The following SIN3A variants were observed in gnomAD, a reference collection of about 807,000 sequenced individuals.
SIN3A encodes paired amphipathic helix protein Sin3a.
A neutral mutation model predicts 146.1 loss-of-function variants in SIN3A; 14 were observed. That is an observed-to-expected ratio of 0.10 (90% confidence interval 0.06 to 0.15). SIN3A has a LOEUF of 0.15. Ranked by LOEUF, SIN3A falls within the 10% of genes least tolerant of loss-of-function variation. SIN3A has a pLI of 1.00. For synonymous variants in SIN3A, 572 were observed against 572.0 expected (o/e 1.00, Z 0.00); for missense variants, 1,028 against 1,576.0 (o/e 0.65, Z 5.89).
At chr15:75,414,444 C>A (rs2073698115) in intron 3 of SIN3A, 133 bp from the exon 4 acceptor site, 2 of 401,472 alleles carry the variant, frequency 5.0e-6, no homozygotes, top group Non-Finnish European at 8.7e-6. Context: ...TAAATATATA[C>A]TTAAAAGTTA....
At position 75,392,457 on chromosome 15, in the gene SIN3A, A is replaced by G; in HGVS notation, c.2636T>C (p.Met879Thr). 6.2e-7 allele frequency: 1 copy of G among 1,614,120 alleles called. No individual in the cohort carries two copies. Among genetic ancestry groups the G allele is most frequent in the South Asian group, 1.1e-5 (1 of 91,088 alleles). Residue 879 changes from methionine (M) to threonine (T), a missense_variant, in exon 15 of 21, where the codon ATG (methionine) becomes ACG (threonine). This residue lies in a region of SIN3A where 488 missense variants were observed against 690.2 expected (regional missense o/e 0.71). Transcript: ENST00000394947. ...ATAGAAGAGGTTGTATACTTCATCC[A>G]TTCCTCTTAATTTTTGAGCTGCTGT... ...SNTAAQKLRG[M>T]DEVYNLFYVN... is the part of the protein sequence containing the mutation.
chr15:75,411,094 C>T (rs1273383399), intron 6 of SIN3A, among the ~76,000 whole-genome samples: 3 of 151,998 alleles, frequency 2.0e-5, no homozygotes, highest in African/African-American at 7.2e-5. Context: ...TTTGGGAGGC[C>T]AAGGTGGGCA....
intron 15 of SIN3A, among the ~76,000 whole-genome samples, chr15:75,391,521 G>T (rs1472137480): frequency 6.7e-6 from 1 of 149,138 alleles, no homozygotes; most frequent in East Asian, 2.0e-4. Context: ...AAAAAAAGAA[G>T]AAGAAGATAC....
intron 16 of SIN3A, among the ~76,000 whole-genome samples, chr15:75,385,318 G>C (rs2073057514): frequency 6.6e-6 from 1 of 152,184 alleles, no homozygotes; most frequent in South Asian, 2.1e-4. Flanking sequence ...AAAAGTCAAG[G>C]TTCCTGACTC....
At position 75,413,661 on chromosome 15, in the gene SIN3A, A is replaced by G. The variant is rs773784775; in HGVS notation, c.473+544T>C. Among the ~76,000 whole-genome samples the G allele has an allele frequency of 3.7e-4, 56 of 151,572 alleles. 1 individual carries two copies. The highest frequency in any genetic ancestry group is 3.2e-3 in the Admixed American group (48 of 15,202). On this transcript the variant is annotated intron_variant, in intron 4 of 20. Coordinates refer to ENST00000394947, the MANE Select transcript of SIN3A (RefSeq NM_001145358.2). ...TGGGTTCAAGCAATTCTCCTGCCTC[A>G]GCCTCCCAAGTAGCTGGGATTACAG...
chr15:75,406,925 G>T (rs1047363662), intron 9 of SIN3A, 130 bp downstream of exon 9: 3 of 575,178 alleles, frequency 5.2e-6, no homozygotes, highest in Non-Finnish European at 6.1e-6. Flanking sequence ...ACTCACAACT[G>T]GGAAACTATG....
chr15:75,433,529 T>TTTCTCTGAACC (rs1293646500), intron 1 of SIN3A, among the ~76,000 whole-genome samples: 1 of 152,170 alleles, frequency 6.6e-6, no homozygotes, highest in Non-Finnish European at 1.5e-5. Flanking sequence ...GAGGCTGAAC[T>TTTCTCTGAACC]TTCTCTGAAC....
chr15:75,372,274 A>G, intron 20 of SIN3A, 65 bp from the exon 21 acceptor site: 1 of 1,103,094 alleles, frequency 9.1e-7, no homozygotes, highest in South Asian at 1.6e-5. Context: ...CTTCAAATAC[A>G]AAGCCTAATT....
At position 75,401,079 on chromosome 15, in the gene SIN3A, T is replaced by C. The variant is rs951432876; in HGVS notation, c.1527-139A>G. 20 of 638,198 alleles carry C rather than the reference T, an allele frequency of 3.1e-5. No individual in the cohort carries two copies. In the African/African-American group the frequency reaches 3.5e-4, roughly 11 times the overall value. 39.5% of individuals were successfully genotyped at this position (638,198 alleles called of 1,614,324 possible). On this transcript the variant is annotated intron_variant, in intron 10 of 20. Coordinates refer to ENST00000394947, the MANE Select transcript of SIN3A (RefSeq NM_001145358.2). ...TTTCCTGCCTAAGAAGAACTGCTTCTGAGCATTTGGTTTCCCCTTTTTCTA... is the reference window on the plus strand; with the variant it reads ...TTTCCTGCCTAAGAAGAACTGCTTCCGAGCATTTGGTTTCCCCTTTTTCTA...
intron 3 of SIN3A, among the ~76,000 whole-genome samples, chr15:75,416,738 C>CT (rs1259531725): frequency 6.6e-6 from 1 of 152,230 alleles, no homozygotes; most frequent in Non-Finnish European, 1.5e-5. Flanking sequence ...ACAGACCTAA[C>CT]TCCCTTTTAC....
chr15:75,390,828 G>A (rs991300085), intron 15 of SIN3A, among the ~76,000 whole-genome samples: 3 of 151,972 alleles, frequency 2.0e-5, no homozygotes, highest in Admixed American at 2.0e-4. Context: ...CTCCCACATC[G>A]GCCTCCCAAA....
intron 13 of SIN3A, among the ~76,000 whole-genome samples, chr15:75,395,787 C>T (rs2073290302): frequency 6.6e-6 from 1 of 152,000 alleles, no homozygotes; most frequent in Non-Finnish European, 1.5e-5. Context: ...TTCCTGTAGT[C>T]CCAGCTATTC....
Position 75,409,824 on chromosome 15 carries a change from G to A in SIN3A, c.1317+12C>T, listed in dbSNP as rs763248216. On this transcript the variant is annotated intron_variant, in intron 8 of 20. Transcript: ENST00000394947. ...GTGAGTGTCAAAATGAGCAGCTGCTGCCCATTCTCACCTTAACTGGAGGGG... is the reference window on the plus strand; with the variant it reads ...GTGAGTGTCAAAATGAGCAGCTGCTACCCATTCTCACCTTAACTGGAGGGG... The A allele has an allele frequency of 1.2e-6, 2 of 1,611,064 alleles. No individual in the cohort carries two copies. The highest frequency in any genetic ancestry group is 1.1e-5 in the South Asian group (1 of 90,948).
At chr15:75,411,799 G>C in intron 5 of SIN3A, 56 bp from the exon 6 acceptor site, 2 of 1,509,122 alleles carry the variant, frequency 1.3e-6, no homozygotes, top group South Asian at 1.4e-5. Flanking sequence ...TTGATACAAG[G>C]AAAGTTCAAA....
chr15:75,450,639 G>A (rs1040159857), intron 1 of SIN3A, among the ~76,000 whole-genome samples: 2 of 152,254 alleles, frequency 1.3e-5, no homozygotes, highest in African/African-American at 4.8e-5. Flanking sequence ...GCTGCATGGA[G>A]CAAAGCGGAG....
At chr15:75,441,844 G>C (rs950749334) in intron 1 of SIN3A, among the ~76,000 whole-genome samples, 3 of 152,128 alleles carry the variant, frequency 2.0e-5, no homozygotes, top group Admixed American at 2.0e-4. Flanking sequence ...AATCCAGGCT[G>C]AGCGTGTGGC....
chr15:75,408,153 G>A (rs1051279933), intron 8 of SIN3A, among the ~76,000 whole-genome samples: 4 of 152,084 alleles, frequency 2.6e-5, no homozygotes, highest in South Asian at 2.1e-4. Flanking sequence ...GAAAGTAGGC[G>A]GAGAATTTTA....
chr15:75,454,770 AG>A (rs2074464911), upstream of SIN3A: 1 of 150,816 alleles, frequency 6.6e-6, no homozygotes, highest in Admixed American at 6.6e-5. Context: ...CGGTCGGGGG[AG>A]GGGAAGAGAG....
chr15:75,400,362 G>A (rs554708576), intron 11 of SIN3A, among the ~76,000 whole-genome samples: 4 of 152,328 alleles, frequency 2.6e-5, no homozygotes, highest in Non-Finnish European at 5.9e-5. Flanking sequence ...TGCTTTGGGA[G>A]GACGAAGCAG....
Sources: gnomAD v4.1 joint callset for allele counts (sites outside exome capture counted in the v4.1 genomes callset) on GRCh38, gnomAD v4.1.1 for gene constraint, gnomAD v4.1.1 regional missense constraint, MANE v1.5 for transcripts, NCBI Gene and HGNC (gene_info 2026-07-23, HGNC 2026-07-21) for gene names.